SNTG1: variants seen among roughly 807,000 people sequenced by gnomAD.
The protein encoded by SNTG1 is syntrophin gamma 1.
SNTG1 carries 39 observed loss-of-function variants against 74.7 expected under a neutral mutation model. The ratio of observed to expected loss-of-function variants is 0.52; its 90% CI spans 0.40 to 0.68. The LOEUF is 0.68. Among genes scored for constraint, SNTG1 ranks in the 30% least tolerant of loss-of-function variants. SNTG1 has a pLI of 0.00. For missense variants in SNTG1, 685 were observed against 609.5 expected (o/e 1.12, Z -1.30); for synonymous variants, 254 against 217.1 (o/e 1.17, Z -1.49).
chr8:50,093,206 C>T (rs2131174472), intron 1 of SNTG1, among the ~76,000 whole-genome samples: 1 of 152,144 alleles, frequency 6.6e-6, no homozygotes, highest in East Asian at 1.9e-4. Context: ...TATACATATC[C>T]AAATGACCTG....
Position 50,472,908 on chromosome 8 carries a change from G to A in SNTG1, c.363+22179G>A, listed in dbSNP as rs191783155. On this transcript the variant is annotated intron_variant, in intron 8 of 18. Transcript: ENST00000642720. The stretch of plus-strand genomic sequence containing the variant: ...TTTCTCCAAAAAATATACACAAATG[G>A]CCAAAAAAACATATGAAAAAATGCT... 1.5e-3 allele frequency among the ~76,000 whole-genome samples: 225 copies of A among 151,688 alleles called. 1 individual carries two copies. The highest frequency in any genetic ancestry group is 5.3e-3 in the African/African-American group (217 of 41,274).
chr8:50,778,374 GACTTTTTAAT>G (rs2131817264), intron 18 of SNTG1, among the ~76,000 whole-genome samples: 1 of 152,168 alleles, frequency 6.6e-6, no homozygotes, highest in East Asian at 1.9e-4. Context: ...GTTGTTTCCT[GACTTTTTAAT>G]GATTGCCATT....
intron 1 of SNTG1, among the ~76,000 whole-genome samples, chr8:50,165,115 G>A: frequency 6.6e-6 from 1 of 152,152 alleles, no homozygotes; most frequent in East Asian, 1.9e-4. Context: ...GGATAGAACA[G>A]TGTTGAGTTC....
At chr8:50,197,490 G>A (rs567247510) in intron 2 of SNTG1, among the ~76,000 whole-genome samples, 7 of 152,066 alleles carry the variant, frequency 4.6e-5, no homozygotes, top group Non-Finnish European at 1.0e-4. Flanking sequence ...GTTCTCCAGA[G>A]ATTGACTTTG....
At chr8:50,516,517 C>T (rs753386907) in intron 9 of SNTG1, among the ~76,000 whole-genome samples, 3 of 152,020 alleles carry the variant, frequency 2.0e-5, no homozygotes, top group Non-Finnish European at 4.4e-5. Context: ...GGATCATGTC[C>T]TATCCCAATG....
chr8:50,769,845 T>G (rs780857610), intron 18 of SNTG1, among the ~76,000 whole-genome samples: 6 of 152,070 alleles, frequency 3.9e-5, no homozygotes, highest in Non-Finnish European at 8.8e-5. Context: ...AAGCAAAATT[T>G]TATTAAACAT....
chr8:50,564,699 CAT>C (rs1464742886), intron 12 of SNTG1, among the ~76,000 whole-genome samples: 3 of 152,034 alleles, frequency 2.0e-5, no homozygotes, highest in East Asian at 3.9e-4. Flanking sequence ...TGTTAAATAT[CAT>C]AGTCTATAAG....
rs960326900 is a variant in SNTG1 at position 50,762,630 on chromosome 8, C to G, written c.1395+10519C>G. 69 of 432,010 alleles carry G rather than the reference C, an allele frequency of 1.6e-4. 1 individual carries two copies. Among genetic ancestry groups the G allele is most frequent in the Non-Finnish European group, 4.7e-5 (10 of 214,998 alleles). 26.8% of individuals were successfully genotyped at this position (432,010 alleles called of 1,614,324 possible). ...AGTGTATCCTCTCCCCAGGTGATGC[C>G]TTTGTTCTTATTAGCATCTGTGTAA... On this transcript the variant is annotated intron_variant, in intron 18 of 18. Transcript: ENST00000642720.
chr8:50,619,731 G>GAAAAA (rs780234473), intron 13 of SNTG1, among the ~76,000 whole-genome samples: 7 of 63,816 alleles, frequency 1.1e-4, no homozygotes, highest in South Asian at 5.1e-4. Flanking sequence ...ACTCCGTCTC[G>GAAAAA]AAAAAAAAAA....
intron 2 of SNTG1, among the ~76,000 whole-genome samples, chr8:50,341,626 G>A (rs2091321274): frequency 6.6e-6 from 1 of 151,896 alleles, no homozygotes; most frequent in Non-Finnish European, 1.5e-5. Context: ...CCCAACTGGG[G>A]AGAAAACATT....
At chr8:50,523,563 G>A (rs2130199341) in intron 9 of SNTG1, among the ~76,000 whole-genome samples, 1 of 152,284 alleles carries the variant, frequency 6.6e-6, no homozygotes, top group East Asian at 1.9e-4. Context: ...GAGAGATGGG[G>A]AACAGCTAGT....
chr8:49,943,375 T>C (rs556985701), intron 1 of SNTG1, among the ~76,000 whole-genome samples: 1 of 152,362 alleles, frequency 6.6e-6, no homozygotes, highest in Non-Finnish European at 1.5e-5. Flanking sequence ...TAGTAACTAT[T>C]GGTAAATACT....
intron 17 of SNTG1, among the ~76,000 whole-genome samples, chr8:50,717,556 A>G (rs538185029): frequency 6.6e-6 from 1 of 152,316 alleles, no homozygotes; most frequent in Non-Finnish European, 1.5e-5. Flanking sequence ...CCATATTTCA[A>G]TAGATCTTGT....
At chr8:50,054,982 A>G (rs1228361750) in intron 1 of SNTG1, among the ~76,000 whole-genome samples, 3 of 152,056 alleles carry the variant, frequency 2.0e-5, no homozygotes, top group Admixed American at 2.0e-4. Context: ...CCAGTGAACT[A>G]GGCCTTCAAT....
chr8:50,248,786 G>A lies in SNTG1; in HGVS notation c.-28+76151G>A, dbSNP rs571358447. Reference sequence around the variant, plus strand: ...TAAAGATGGTGGTGCTGCTGATTATGATATTAGCAATAATTCATATTTCTT... The same window carrying A: ...TAAAGATGGTGGTGCTGCTGATTATAATATTAGCAATAATTCATATTTCTT... On this transcript the variant is annotated intron_variant, in intron 2 of 18. Coordinates refer to ENST00000642720, the MANE Select transcript of SNTG1 (RefSeq NM_018967.5). Among the ~76,000 whole-genome samples, 38 of 152,280 alleles carry A rather than the reference G, an allele frequency of 2.5e-4. 1 individual carries two copies. The highest frequency in any genetic ancestry group is 1.1e-3 in the Admixed American group (17 of 15,306).
rs149606004 is a variant in SNTG1 at position 50,544,878 on chromosome 8, G to C, written c.680+8070G>C. Among the ~76,000 whole-genome samples the C allele has an allele frequency of 1.3e-3, 198 of 152,076 alleles. 5 individuals carry two copies. Among genetic ancestry groups the C allele is most frequent in the Admixed American group, 0.011 (163 of 15,256 alleles). The stretch of plus-strand genomic sequence containing the variant: ...ACTAGTAGTAGTAGATTCAGTGAGG[G>C]AGTGGGGGGCAAGAAAAGATAAATA... On this transcript the variant is annotated intron_variant, in intron 11 of 18. Transcript: ENST00000642720.
In SNTG1 at chr8:50,306,598, AGTAAGGTGGT is replaced by A. The variant is rs562882761; in HGVS notation, c.-27-87613_-27-87604del. The stretch of plus-strand genomic sequence containing the variant: ...TTTTCATATTAGCCATTCTGGTACG[AGTAAGGTGGT>A]ATCTCATTGTGGTTTTAATTTGCAT... On this transcript the variant is annotated intron_variant, in intron 2 of 18. Transcript: ENST00000642720. 3.4e-4 allele frequency among the ~76,000 whole-genome samples: 52 copies of A among 152,098 alleles called. 2 individuals carry two copies. Among genetic ancestry groups the A allele is most frequent in the Middle Eastern group, 6.8e-3 (2 of 294 alleles).
intron 2 of SNTG1, among the ~76,000 whole-genome samples, chr8:50,335,503 C>T (rs533190671): frequency 6.6e-5 from 10 of 152,198 alleles, no homozygotes; most frequent in East Asian, 3.8e-4. Context: ...TGGTGGCTAT[C>T]GCCAGGGCAC....
In SNTG1 at chr8:50,672,255, G is replaced by T. The variant is rs143687371; in HGVS notation, c.1038+13592G>T. ...TCTGATGCTAGATCCTTGAGGAATTGCCACATTGTGTTCCAAAATGGTTGA... is the reference window on the plus strand; with the variant it reads ...TCTGATGCTAGATCCTTGAGGAATTTCCACATTGTGTTCCAAAATGGTTGA... On this transcript the variant is annotated intron_variant, in intron 15 of 18. Transcript: ENST00000642720. Among the ~76,000 whole-genome samples the T allele has an allele frequency of 2.7e-3, 408 of 152,044 alleles. 10 individuals carry two copies. In the East Asian group the frequency reaches 0.041, roughly 15 times the overall value.
Sources: allele counts gnomAD v4.1 joint callset (sites outside exome capture counted in the v4.1 genomes callset), GRCh38; gene constraint gnomAD v4.1.1; transcripts MANE v1.5; gene names NCBI Gene and HGNC (gene_info 2026-07-23, HGNC 2026-07-21).